The following ARL8B variants were observed in gnomAD, a reference collection of about 807,000 sequenced individuals.
The protein encoded by ARL8B is ADP-ribosylation factor-like protein 8B.
Under a neutral mutation model 30.6 loss-of-function variants are expected in ARL8B, and 9 were observed. That is an observed-to-expected ratio of 0.29 (90% CI 0.18 to 0.51). The LOEUF is 0.51. Ranked by LOEUF, ARL8B falls within the 20% of genes least tolerant of loss-of-function variation. The pLI is 0.97. For synonymous variants in ARL8B, 74 were observed against 76.0 expected, an observed-to-expected ratio of 0.97 and a Z score of 0.14; for missense variants, 130 against 227.2, an observed-to-expected ratio of 0.57 and a Z score of 2.75.
At chr3:5,126,962 T>A (rs914576177) in intron 1 of ARL8B, among the ~76,000 whole-genome samples, 3 of 152,248 alleles carry the variant, frequency 2.0e-5, no homozygotes, top group African/African-American at 7.2e-5. Context: ...ATGGACATTA[T>A]GTATTTTTTA....
rs1166526130 is a variant in ARL8B, at chr3:5,179,935, T to C, written c.*1222T>C. On this transcript the variant is annotated 3_prime_UTR_variant, in exon 7 of 7. Transcript: ENST00000256496. ...TACAGAGATGTCTAAAAACTTCAAA[T>C]GGACATGTTTTGTAGTTTAGCGACT... The C allele has an allele frequency of 1.3e-5, 2 of 152,640 alleles. No homozygotes were observed. The highest frequency in any genetic ancestry group is 6.5e-5 in the Admixed American group (1 of 15,282). 9.5% of individuals were successfully genotyped at this position (152,640 alleles called of 1,614,324 possible). A position where few individuals can be genotyped will look rare whatever the true frequency, so the allele number is the denominator to read the frequency against.
chr3:5,130,011 G>T (rs1040627385), intron 1 of ARL8B, among the ~76,000 whole-genome samples: 2 of 151,922 alleles, frequency 1.3e-5, no homozygotes, highest in East Asian at 1.9e-4. Context: ...CTACAGGCAC[G>T]TGCCACCACA....
At chr3:5,159,499 G>A (rs1356117660) in intron 1 of ARL8B, among the ~76,000 whole-genome samples, 1 of 151,112 alleles carries the variant, frequency 6.6e-6, no homozygotes, top group African/African-American at 2.4e-5. Context: ...CTACTTGGGA[G>A]GCTGAGGCAG....
chr3:5,150,702 G>A (rs1395380561), intron 1 of ARL8B, among the ~76,000 whole-genome samples: 1 of 152,174 alleles, frequency 6.6e-6, no homozygotes, highest in Non-Finnish European at 1.5e-5. Flanking sequence ...AGAATCACTT[G>A]AACCCGGGAG....
chr3:5,131,787 A>G (rs2054285833), intron 1 of ARL8B, among the ~76,000 whole-genome samples: 1 of 152,212 alleles, frequency 6.6e-6, no homozygotes, highest in African/African-American at 2.4e-5. Context: ...CTCTTAAGTG[A>G]CTGAAATGTT....
intron 1 of ARL8B, among the ~76,000 whole-genome samples, chr3:5,124,421 TA>T (rs1308340943): frequency 1.3e-5 from 2 of 151,840 alleles, no homozygotes; most frequent in African/African-American, 4.8e-5. Context: ...CCACTAAAAT[TA>T]ATGAGGAAAC....
At chr3:5,152,693 T>G (rs1279125644) in intron 1 of ARL8B, among the ~76,000 whole-genome samples, 2 of 152,206 alleles carry the variant, frequency 1.3e-5, no homozygotes, top group African/African-American at 4.8e-5. Context: ...GCTAGGTTGC[T>G]CAGGCTGGTC....
Position 5,126,099 on chromosome 3 carries a change from C to A in ARL8B, c.123+3511C>A, listed in dbSNP as rs1310566187. The stretch of plus-strand genomic sequence containing the variant: ...GGCTTTTAAGATGCTGAAAGGGACC[C>A]CCTCAGTGAATTTCATACTTTTTTT... On this transcript the variant is annotated intron_variant, in intron 1 of 6. Transcript: ENST00000256496. 4.3e-4 allele frequency among the ~76,000 whole-genome samples: 65 copies of A among 150,138 alleles called. 1 individual carries two copies. Among genetic ancestry groups the A allele is most frequent in the Admixed American group, 4.2e-3 (63 of 15,096 alleles).
At chr3:5,122,787 C>T (rs907898610) in intron 1 of ARL8B, among the ~76,000 whole-genome samples, 199 bp downstream of exon 1, 1 of 152,208 alleles carries the variant, frequency 6.6e-6, no homozygotes, top group Non-Finnish European at 1.5e-5. Flanking sequence ...GCACTGAGAT[C>T]GGCAGCGGAA....
intron 1 of ARL8B, among the ~76,000 whole-genome samples, chr3:5,124,100 C>G (rs1381507862): frequency 6.6e-6 from 1 of 152,064 alleles, no homozygotes; most frequent in African/African-American, 2.4e-5. Flanking sequence ...AACTCCTGAC[C>G]TCATGTGATC....
chr3:5,161,088 G>A (rs576315236), intron 1 of ARL8B, among the ~76,000 whole-genome samples: 3 of 152,178 alleles, frequency 2.0e-5, no homozygotes, highest in African/African-American at 7.2e-5. Context: ...CCTGGCAAAT[G>A]TTTGTATTTT....
chr3:5,158,298 G>C (rs1330141499), intron 1 of ARL8B, among the ~76,000 whole-genome samples: 2 of 152,098 alleles, frequency 1.3e-5, no homozygotes, highest in Non-Finnish European at 2.9e-5. Flanking sequence ...CATGCATTCT[G>C]TCCAGGGTTT....
chr3:5,124,918 A>G (rs1407555651), intron 1 of ARL8B, among the ~76,000 whole-genome samples: 1 of 152,246 alleles, frequency 6.6e-6, no homozygotes, highest in African/African-American at 2.4e-5. Flanking sequence ...TCATGTGGAT[A>G]GGTGTATTAA....
chr3:5,170,153 A>G (rs1336954329), intron 1 of ARL8B, among the ~76,000 whole-genome samples: 1 of 152,224 alleles, frequency 6.6e-6, no homozygotes, highest in Non-Finnish European at 1.5e-5. Flanking sequence ...AAATGCTGAA[A>G]GTTTTATTTC....
At chr3:5,141,703 T>A (rs1237482461) in intron 1 of ARL8B, among the ~76,000 whole-genome samples, 1 of 152,200 alleles carries the variant, frequency 6.6e-6, no homozygotes, top group Non-Finnish European at 1.5e-5. Context: ...GGCAGTATTG[T>A]TGGGAATGAA....
At chr3:5,167,548 A>G (rs1157931213) in intron 1 of ARL8B, among the ~76,000 whole-genome samples, 3 of 151,980 alleles carry the variant, frequency 2.0e-5, no homozygotes, top group African/African-American at 7.2e-5. Flanking sequence ...TTATTTTTCT[A>G]CTCTTTCCCC....
At chr3:5,173,827 A>G (rs2054700647) in intron 4 of ARL8B, among the ~76,000 whole-genome samples, 190 bp from the exon 5 acceptor site, 1 of 152,264 alleles carries the variant, frequency 6.6e-6, no homozygotes, top group Non-Finnish European at 1.5e-5. Flanking sequence ...GAGCACCTGC[A>G]TGGTGGGAGT....
chr3:5,170,698 C>T (rs2054665007), intron 2 of ARL8B, 115 bp downstream of exon 2: 6 of 661,192 alleles, frequency 9.1e-6, no homozygotes, highest in South Asian at 2.1e-5. Flanking sequence ...AATGAATGTG[C>T]ATGTTTCAAA....
intron 1 of ARL8B, 151 bp downstream of exon 1, chr3:5,122,739 C>T (rs758751564): frequency 2.3e-5 from 22 of 936,550 alleles, no homozygotes; most frequent in Non-Finnish European, 2.8e-5. Context: ...CGAGGGCCAG[C>T]ATTTGGAATT....
Sources: allele counts gnomAD v4.1 joint callset (sites outside exome capture counted in the v4.1 genomes callset), GRCh38; gene constraint gnomAD v4.1.1; transcripts MANE v1.5; gene names NCBI Gene and HGNC (gene_info 2026-07-23, HGNC 2026-07-21).